SLC4A4: variants seen among roughly 807,000 people sequenced by gnomAD.
SLC4A4 encodes solute carrier family 4 member 4, also known as electrogenic sodium bicarbonate cotransporter 1.
In SLC4A4, 27 loss-of-function variants were observed where a neutral mutation model predicts 111.5. That is an observed-to-expected ratio of 0.24 (90% CI 0.18 to 0.33). The LOEUF (loss-of-function observed/expected upper bound fraction) is 0.33, where lower values mean the gene tolerates loss of function less well. SLC4A4 is among the 10% of genes least tolerant of loss of function. The pLI is 1.00. For missense variants in SLC4A4, 909 were observed against 1,315.5 expected, an observed-to-expected ratio of 0.69 and a Z score of 4.78; for synonymous variants, 443 against 463.4, an observed-to-expected ratio of 0.96 and a Z score of 0.57.
At chr4:71,351,573 C>T (rs776938476) in intron 5 of SLC4A4, among the ~76,000 whole-genome samples, 4 of 152,062 alleles carry the variant, frequency 2.6e-5, no homozygotes, top group Non-Finnish European at 5.9e-5. Flanking sequence ...GGAAAAGTAT[C>T]GCTGGGCGTG....
At chr4:71,515,330 G>C (rs980372164) in intron 16 of SLC4A4, among the ~76,000 whole-genome samples, 1 of 152,116 alleles carries the variant, frequency 6.6e-6, no homozygotes, top group Non-Finnish European at 1.5e-5. Flanking sequence ...ATTGTGGTCT[G>C]AGAATATAGT....
intron 3 of SLC4A4, among the ~76,000 whole-genome samples, chr4:71,276,501 A>G (rs984293936): frequency 6.6e-6 from 1 of 151,328 alleles, no homozygotes; most frequent in Non-Finnish European, 1.5e-5. Context: ...TCTGTTTTCC[A>G]TCTTTGTAAT....
intron 22 of SLC4A4, 96 bp downstream of exon 22, chr4:71,557,981 C>A: frequency 9.2e-7 from 1 of 1,082,338 alleles, no homozygotes; most frequent in Non-Finnish European, 1.4e-6. Context: ...ATGTGTTGTT[C>A]CAAATTTTTC....
chr4:71,125,578 A>G (rs1355710901), intron 2 of SLC4A4, among the ~76,000 whole-genome samples: 2 of 152,214 alleles, frequency 1.3e-5, no homozygotes, highest in East Asian at 3.8e-4. Context: ...AATGCACCTA[A>G]TCAGGTCTGA....
At chr4:71,105,372 AT>A (rs1742879560) in intron 2 of SLC4A4, among the ~76,000 whole-genome samples, 1 of 149,694 alleles carries the variant, frequency 6.7e-6, no homozygotes, top group African/African-American at 2.5e-5. Context: ...ATTCAATGCC[AT>A]CCCCATCAAG....
At chr4:71,197,689 A>G (rs1746070047) in intron 1 of SLC4A4, among the ~76,000 whole-genome samples, 1 of 152,216 alleles carries the variant, frequency 6.6e-6, no homozygotes. Flanking sequence ...ACAAACCTGC[A>G]TGTTGTGCAC....
At chr4:71,444,465 CT>C (rs140834479) in intron 8 of SLC4A4, among the ~76,000 whole-genome samples, 2 of 151,312 alleles carry the variant, frequency 1.3e-5, no homozygotes, top group Non-Finnish European at 3.0e-5. Flanking sequence ...TAAATTAATG[CT>C]TTTTTTTTCC....
chr4:71,079,175 T>G (rs138728341), intron 1 of SLC4A4, among the ~76,000 whole-genome samples: 1 of 152,238 alleles, frequency 6.6e-6, no homozygotes, highest in Non-Finnish European at 1.5e-5. Context: ...TTGGTGAAAT[T>G]GTGACATGCC....
intron 6 of SLC4A4, among the ~76,000 whole-genome samples, chr4:71,363,482 G>A (rs539913558): frequency 6.6e-6 from 1 of 152,140 alleles, no homozygotes; most frequent in Non-Finnish European, 1.5e-5. Context: ...AGGCTGGGTT[G>A]TTCTGCTTTC....
intron 7 of SLC4A4, among the ~76,000 whole-genome samples, chr4:71,414,750 C>T (rs1020300929): frequency 6.6e-6 from 1 of 152,130 alleles, no homozygotes; most frequent in African/African-American, 2.4e-5. Flanking sequence ...CCTTCCATAA[C>T]CTTTCTTTCC....
At chr4:71,419,684 C>T (rs945683580) in intron 7 of SLC4A4, among the ~76,000 whole-genome samples, 7 of 152,242 alleles carry the variant, frequency 4.6e-5, no homozygotes, top group Non-Finnish European at 8.8e-5. Flanking sequence ...TCGGCTCGTG[C>T]ACGGTGCGCT....
At chr4:71,105,163 C>A (rs1742871477) in intron 2 of SLC4A4, among the ~76,000 whole-genome samples, 2 of 145,784 alleles carry the variant, frequency 1.4e-5, no homozygotes, top group South Asian at 4.4e-4. Context: ...AGTGAACTCC[C>A]ATTCACAATT....
intron 14 of SLC4A4, among the ~76,000 whole-genome samples, chr4:71,476,292 T>C (rs755871040): frequency 4.0e-5 from 6 of 151,786 alleles, no homozygotes; most frequent in Non-Finnish European, 8.8e-5. Context: ...AACTGAAAGA[T>C]GATAGTGAGA....
intron 18 of SLC4A4, among the ~76,000 whole-genome samples, chr4:71,539,071 A>G (rs1734817482): frequency 6.6e-6 from 1 of 151,992 alleles, no homozygotes; most frequent in African/African-American, 2.4e-5. Flanking sequence ...GTGGCAACCA[A>G]TTTGCTCTGA....
At chr4:71,402,618 A>G (rs1358207193) in intron 7 of SLC4A4, among the ~76,000 whole-genome samples, 1 of 152,238 alleles carries the variant, frequency 6.6e-6, no homozygotes, top group Non-Finnish European at 1.5e-5. Flanking sequence ...GAGGAGCTCC[A>G]GATGGAATCA....
chr4:71,421,754 G>A (rs932647324), intron 7 of SLC4A4, among the ~76,000 whole-genome samples: 2 of 151,908 alleles, frequency 1.3e-5, no homozygotes, highest in African/African-American at 2.4e-5. Flanking sequence ...CATAACAAAA[G>A]GAAGGCAGAA....
At chr4:71,077,997 G>A (rs922267110) in intron 1 of SLC4A4, among the ~76,000 whole-genome samples, 1 of 152,118 alleles carries the variant, frequency 6.6e-6, no homozygotes, top group African/African-American at 2.4e-5. Flanking sequence ...TATATGTACA[G>A]ATAGGGTAGG....
chr4:71,443,900 C>T (rs1724994421), intron 8 of SLC4A4, among the ~76,000 whole-genome samples: 1 of 152,198 alleles, frequency 6.6e-6, no homozygotes, highest in African/African-American at 2.4e-5. Context: ...AATTTTGTCA[C>T]ATCCACCAGT....
chr4:71,075,834 G>A (rs1294681394), intron 1 of SLC4A4, among the ~76,000 whole-genome samples: 1 of 151,880 alleles, frequency 6.6e-6, no homozygotes, highest in Admixed American at 6.6e-5. Flanking sequence ...CATGGTGGTG[G>A]GCGCCTGTAG....
Sources: allele counts gnomAD v4.1 joint callset (sites outside exome capture counted in the v4.1 genomes callset), GRCh38; gene constraint gnomAD v4.1.1; transcripts MANE v1.5; gene names NCBI Gene and HGNC (gene_info 2026-07-23, HGNC 2026-07-21).